LAMA5: variants seen among roughly 807,000 people sequenced by gnomAD.
The protein encoded by LAMA5 is laminin subunit alpha 5.
A neutral mutation model predicts 433.4 loss-of-function variants in LAMA5; 260 were observed. The observed-to-expected ratio is 0.60, with a 90% CI of 0.54 to 0.66. The LOEUF is 0.66. LAMA5 is among the 30% of genes least tolerant of loss of function. LAMA5 has a pLI of 0.00. For missense variants in LAMA5, 5,378 were observed against 5,258.5 expected (o/e 1.02, Z -0.70); for synonymous variants, 2,620 against 2,226.6 (o/e 1.18, Z -4.97).
At position 62,346,205 on chromosome 20, in the gene LAMA5, G is replaced by T; in HGVS notation, c.1293C>A (p.Cys431Ter). The T allele has an allele frequency of 1.2e-6, 2 of 1,611,544 alleles. No individual in the cohort carries two copies. Among genetic ancestry groups the T allele is most frequent in the Non-Finnish European group, 1.7e-6 (2 of 1,179,368 alleles). The stretch of plus-strand genomic sequence containing the variant: ...AGGTGCCATCCGTGAAGTCGGACTC[G>T]CAGTTGCAGCCTGGGCAGGGGCAGG... ...DSPHVCRRCN[C>*]ESDFTDGTCE... The change falls in exon 10 of 80, where the codon TGC (cysteine) becomes TGA (stop). Residue 431 changes from cysteine (C) to a stop codon, truncating the protein, a stop_gained. Coordinates refer to ENST00000252999, the MANE Select transcript of LAMA5 (RefSeq NM_005560.6). LOFTEE classifies it high-confidence loss of function.
chr20:62,329,959 GC>G, intron 31 of LAMA5, 43 bp from the exon 32 acceptor site: 1 of 1,597,224 alleles, frequency 6.3e-7, no homozygotes, highest in South Asian at 1.1e-5. Flanking sequence ...CATCTCTAGC[GC>G]CCCCAAGACA....
chr20:62,360,027 C>T (rs1281656916), intron 2 of LAMA5, among the ~76,000 whole-genome samples: 3 of 151,122 alleles, frequency 2.0e-5, no homozygotes, highest in East Asian at 2.0e-4. Context: ...ACCCACCCGC[C>T]GCTCAGCCTG....
At position 62,337,591 on chromosome 20, in the gene LAMA5, T is replaced by A; in HGVS notation, c.2163A>T (p.Glu721Asp). ...VPGAYNFPYCEAGSCHPAGLA... is the reference protein window; with the variant it reads ...VPGAYNFPYCDAGSCHPAGLA... ...GCACACAGCCACCTGCCTGCTCACC[T>A]TCGCAGTAGGGGAAGTTGTAGGCAC... The change falls in exon 16 of 80, where the codon GAA becomes GAT. Residue 721 changes from glutamate to aspartate, a missense_variant and splice_region_variant. Physicochemically the swap from Glu to Asp is conservative, Grantham distance 45. Transcript: ENST00000252999. 1.9e-6 allele frequency: 3 copies of A among 1,603,478 alleles called. No homozygotes were observed. Among genetic ancestry groups the A allele is most frequent in the South Asian group, 1.1e-5 (1 of 89,866 alleles).
At position 62,314,324 on chromosome 20, in the gene LAMA5, G is replaced by C. The variant is rs774183967; in HGVS notation, c.8484C>G (p.Phe2828Leu). 4 of 1,613,186 alleles carry C rather than the reference G, an allele frequency of 2.5e-6. No homozygotes were observed. Among genetic ancestry groups the C allele is most frequent in the Admixed American group, 1.7e-5 (1 of 59,990 alleles). ...LSIDEDIGEQ[F>L]AAVSLDRTLQ... ...CCCACCTGTCCAGGCTGACAGCTGCGAACTGCTCCCCAATGTCCTCATCGA... is the reference window on the plus strand; with the variant it reads ...CCCACCTGTCCAGGCTGACAGCTGCCAACTGCTCCCCAATGTCCTCATCGA... The change falls in exon 62 of 80, where the codon TTC becomes TTG. Residue 2828 changes from phenylalanine to leucine, a missense_variant. By Grantham distance (22) the Phe-to-Leu change is conservative. Transcript: ENST00000252999.
At position 62,366,930 on chromosome 20, in the gene LAMA5, G is replaced by C; in HGVS notation, c.297+19C>G. On this transcript the variant is annotated intron_variant, in intron 1 of 79. Coordinates refer to ENST00000252999, the MANE Select transcript of LAMA5 (RefSeq NM_005560.6). ...CGAGTGCCCCGGGAGGAAGCCCCACGGCCCGCCCCTGCGCTCACCCGGATG... is the reference window on the plus strand; with the variant it reads ...CGAGTGCCCCGGGAGGAAGCCCCACCGCCCGCCCCTGCGCTCACCCGGATG... 8.1e-7 allele frequency: 1 copy of C among 1,234,406 alleles called. No individual in the cohort carries two copies. The highest frequency in any genetic ancestry group is 1.0e-6 in the Non-Finnish European group (1 of 989,160). The allele number at this position is 1,234,406 out of a possible 1,614,324, so 76.5% of individuals were successfully genotyped here.
At position 62,333,391 on chromosome 20, in the gene LAMA5, G is replaced by A; in HGVS notation, c.3112C>T (p.Gln1038Ter). Residue 1038 changes from glutamine (Q) to a stop codon, truncating the protein, a stop_gained, in exon 25 of 80, where the codon CAG (glutamine) becomes TAG (stop). Transcript: ENST00000252999. LOFTEE classifies it high-confidence loss of function. ...GGCCCTCACTTGTCGCCAGACTGCT[G>A]GGCAGAGGGACGGTATGTGCAGGCC... The part of the protein sequence containing the change: ...TEACTYRPSA[Q>*]QSGDNCLLYT... 6.8e-6 allele frequency: 11 copies of A among 1,612,692 alleles called. No homozygotes were observed. Among genetic ancestry groups the A allele is most frequent in the Non-Finnish European group, 8.5e-6 (10 of 1,179,866 alleles).
intron 1 of LAMA5, among the ~76,000 whole-genome samples, chr20:62,362,774 A>C (rs1986286283): frequency 6.6e-6 from 1 of 151,764 alleles, no homozygotes. Context: ...GGCGCTAAGG[A>C]CAAGAGGAAG....
chr20:62,312,653 G>A lies in LAMA5; in HGVS notation c.9206C>T (p.Pro3069Leu), dbSNP rs893686845. Reference protein sequence around the residue: ...LADAYYLGGVPPDQLPPSLRR... With the variant: ...LADAYYLGGVLPDQLPPSLRR... Reference sequence around the variant, plus strand: ...TTACCTCGGGGGCAGCTGGTCGGGCGGCACGCCCCCCAGGTAGTAGGCGTC... The same window carrying A: ...TTACCTCGGGGGCAGCTGGTCGGGCAGCACGCCCCCCAGGTAGTAGGCGTC... The change falls in exon 67 of 80, where the codon CCG becomes CTG. Residue 3069 changes from proline to leucine, a missense_variant. Transcript: ENST00000252999. The A allele has an allele frequency of 9.3e-6, 15 of 1,607,156 alleles. No individual in the cohort carries two copies. Among genetic ancestry groups the A allele is most frequent in the Admixed American group, 6.7e-5 (4 of 59,360 alleles).
chr20:62,316,894 G>A lies in LAMA5; in HGVS notation c.7641C>T (p.Asp2547=), dbSNP rs1161602406. Residue 2547 remains aspartate (D), a synonymous_variant, in exon 56 of 80, where the codon GAC becomes GAT. Coordinates refer to ENST00000252999, the MANE Select transcript of LAMA5 (RefSeq NM_005560.6). ...DAAGQALQQA[D]HTWATVVRQG... ...TGAGGGGCCTCACCGCCCACGTGTG[G>A]TCCGCCTGCTGCAGGGCCTGGCCAG... 18 of 1,534,038 alleles carry A rather than the reference G, an allele frequency of 1.2e-5. No homozygotes were observed. Among genetic ancestry groups the A allele is most frequent in the Non-Finnish European group, 1.5e-5 (17 of 1,139,248 alleles).
rs762686711 is a variant in LAMA5 at position 62,329,861 on chromosome 20, C to T, written c.4035G>A (p.Val1345=). The part of the protein sequence containing the change: ...PHGYGCRTLV[V]CEGQALLDVT... ...CGTCCAGCAGGGCCTGGCCCTCACACACCACCAGGGTGCGGCAGCCGTAGC... is the reference window on the plus strand; with the variant it reads ...CGTCCAGCAGGGCCTGGCCCTCACATACCACCAGGGTGCGGCAGCCGTAGC... The change falls in exon 32 of 80, where the codon GTG becomes GTA. Residue 1345 remains valine (V), a synonymous_variant. Transcript: ENST00000252999. 6.2e-7 allele frequency: 1 copy of T among 1,612,382 alleles called. No individual in the cohort carries two copies. The highest frequency in any genetic ancestry group is 8.5e-7 in the Non-Finnish European group (1 of 1,179,810).
chr20:62,338,662 G>A lies in LAMA5; in HGVS notation c.1478-54C>T, dbSNP rs550828095. 6.4e-5 allele frequency: 97 copies of A among 1,520,772 alleles called. 1 individual carries two copies. The highest frequency in any genetic ancestry group is 5.2e-4 in the South Asian group (43 of 82,528). 94.2% of individuals were successfully genotyped at this position (1,520,772 alleles called of 1,614,324 possible). ...TCAGATGCCCTGCAGACCCCAGTAC[G>A]CCCCTCCTGGCAAACCTTCCCTCTC... On this transcript the variant is annotated intron_variant, in intron 11 of 79. Coordinates refer to ENST00000252999, the MANE Select transcript of LAMA5 (RefSeq NM_005560.6).
At position 62,312,650 on chromosome 20, in the gene LAMA5, G is replaced by A. The variant is rs750872412; in HGVS notation, c.9209C>T (p.Pro3070Leu). ...ADAYYLGGVP[P>L]DQLPPSLRRL... ...TGCTTACCTCGGGGGCAGCTGGTCG[G>A]GCGGCACGCCCCCCAGGTAGTAGGC... Residue 3070 changes from proline to leucine, a missense_variant, in exon 67 of 80, where the codon CCC becomes CTC. Physicochemically the swap from Pro to Leu is moderately conservative, Grantham distance 98. Transcript: ENST00000252999. The A allele has an allele frequency of 6.2e-7, 1 of 1,607,324 alleles. No homozygotes were observed. Among genetic ancestry groups the A allele is most frequent in the Non-Finnish European group, 8.5e-7 (1 of 1,177,938 alleles).
rs768965589 is a variant in LAMA5 at position 62,314,697 on chromosome 20, C to G, written c.8225G>C (p.Arg2742Pro). ...KVKVPMKFNG[R>P]SGVQLRTPRD... Reference sequence around the variant, plus strand: ...TGGGGTGCGCAGCTGCACCCCTGAGCGCCCGTTGAACTTCATGGGCACCTT... The same window carrying G: ...TGGGGTGCGCAGCTGCACCCCTGAGGGCCCGTTGAACTTCATGGGCACCTT... Residue 2742 changes from arginine (R) to proline (P), a missense_variant, in exon 61 of 80, where the codon CGC becomes CCC. Coordinates refer to ENST00000252999, the MANE Select transcript of LAMA5 (RefSeq NM_005560.6). The G allele has an allele frequency of 6.2e-7, 1 of 1,612,580 alleles. No homozygotes were observed. The highest frequency in any genetic ancestry group is 8.5e-7 in the Non-Finnish European group (1 of 1,179,840).
chr20:62,319,513 G>A (rs1450711626), intron 51 of LAMA5, among the ~76,000 whole-genome samples, 171 bp downstream of exon 51: 1 of 152,310 alleles, frequency 6.6e-6, no homozygotes. Context: ...CCACACGGCT[G>A]TGTCGCCGAC....
intron 34 of LAMA5, 66 bp from the exon 35 acceptor site, chr20:62,328,511 T>C (rs536620191): frequency 2.1e-6 from 3 of 1,415,322 alleles, no homozygotes; most frequent in Non-Finnish European, 2.8e-6. Context: ...AGGCCCAGAA[T>C]GCAGCCCTAG....
At chr20:62,347,097 C>G in intron 6 of LAMA5, 69 bp from the exon 7 acceptor site, 6 of 1,168,328 alleles carry the variant, frequency 5.1e-6, no homozygotes, top group Non-Finnish European at 7.5e-6. Context: ...AGTCCCTTCC[C>G]TGAAGGGGCC....
intron 2 of LAMA5, among the ~76,000 whole-genome samples, chr20:62,360,084 C>G (rs1041921734): frequency 1.3e-5 from 2 of 151,270 alleles, no homozygotes; most frequent in African/African-American, 4.9e-5. Flanking sequence ...AGCCCTGAAG[C>G]CCAGGAAGGA....
At position 62,336,535 on chromosome 20, in the gene LAMA5, G is replaced by A. The variant is rs191190300; in HGVS notation, c.2218-90C>T. On this transcript the variant is annotated intron_variant, in intron 17 of 79. Transcript: ENST00000252999. Reference sequence around the variant, plus strand: ...CCATAGAGCCCTGACAAGGGGTGGTGAGGGCTGAGGGCCCTCACCTGTGAC... The same window carrying A: ...CCATAGAGCCCTGACAAGGGGTGGTAAGGGCTGAGGGCCCTCACCTGTGAC... 231 of 1,225,740 alleles carry A rather than the reference G, an allele frequency of 1.9e-4. 1 individual carries two copies. The African/African-American group carries it at 2.6e-3, about 14-fold the overall frequency. The allele number at this position is 1,225,740 out of a possible 1,614,324, so 75.9% of individuals were successfully genotyped here. A position where few individuals can be genotyped will look rare whatever the true frequency, so the allele number is the denominator to read the frequency against.
chr20:62,341,039 A>AAAT lies in LAMA5; in HGVS notation c.1478-2432_1478-2431insATT, dbSNP rs1982513137. On this transcript the variant is annotated intron_variant, in intron 11 of 79. Coordinates refer to ENST00000252999, the MANE Select transcript of LAMA5 (RefSeq NM_005560.6). ...GGGTGACAGAGTGAGACTCTGTGTC[A>AAAT]AAATAAATAAATAAATAAATAAATA... Among the ~76,000 whole-genome samples, 3 of 146,978 alleles carry AAAT rather than the reference A, an allele frequency of 2.0e-5. No individual in the cohort carries two copies. In the South Asian group the frequency reaches 6.5e-4, roughly 32 times the overall value.
Sources: gnomAD v4.1 joint callset for allele counts (sites outside exome capture counted in the v4.1 genomes callset) on GRCh38, gnomAD v4.1.1 for gene constraint, MANE v1.5 for transcripts, NCBI Gene and HGNC (gene_info 2026-07-23, HGNC 2026-07-21) for gene names.